Variants in CACNA2D3 observed in about 807,000 individuals in gnomAD.
CACNA2D3 encodes the protein calcium voltage-gated channel auxiliary subunit alpha2delta 3.
Under a neutral mutation model 160.6 loss-of-function variants are expected in CACNA2D3, and 60 were observed. The observed-to-expected ratio is 0.37, with a 90% confidence interval of 0.30 to 0.46. The LOEUF (loss-of-function observed/expected upper bound fraction) is 0.46. Ranked by LOEUF, CACNA2D3 falls within the 20% of genes least tolerant of loss-of-function variation. CACNA2D3 has a pLI of 1.00. For synonymous variants in CACNA2D3, 558 were observed against 492.9 expected (o/e 1.13, Z -1.75); for missense variants, 1,205 against 1,365.0 (o/e 0.88, Z 1.85).
intron 4 of CACNA2D3, among the ~76,000 whole-genome samples, chr3:54,445,623 T>C (rs1030346010): frequency 2.0e-5 from 3 of 150,782 alleles, no homozygotes; most frequent in African/African-American, 7.3e-5. Flanking sequence ...AGCATTCATA[T>C]CTTTATTGCC....
chr3:54,376,417 C>T (rs573250104), intron 3 of CACNA2D3, among the ~76,000 whole-genome samples: 1 of 152,328 alleles, frequency 6.6e-6, no homozygotes, highest in East Asian at 1.9e-4. Flanking sequence ...CCTTTGGTTT[C>T]CCTTTGGTGT....
In CACNA2D3 at chr3:54,171,136, C is replaced by CTTTTTTTTTTTTTTTTTTTTTTTTTTTT. The variant is rs57761171; in HGVS notation, c.204+47564_204+47565insTTTTTTTTTTTTTTTTTTTTTTTTTTTT. ...TCTGTTTACATTTTAAAGATGATGA[C>CTTTTTTTTTTTTTTTTTTTTTTTTTTTT]TTTTTTTTTTTTTTTTTTTTTTAGG... is the stretch of plus-strand genomic sequence containing the variant. On this transcript the variant is annotated intron_variant, in intron 2 of 37. Coordinates refer to ENST00000474759, the MANE Select transcript of CACNA2D3 (RefSeq NM_018398.3). Among the ~76,000 whole-genome samples, 35 of 62,560 alleles carry CTTTTTTTTTTTTTTTTTTTTTTTTTTTT rather than the reference C, an allele frequency of 5.6e-4. 8 individuals carry two copies. The highest frequency in any genetic ancestry group is 2.0e-3 in the South Asian group (2 of 976). The allele number at this position is 62,560 out of a possible 152,430, so 41.0% of individuals were successfully genotyped here.
At chr3:54,688,906 C>T (rs569201318) in intron 11 of CACNA2D3, among the ~76,000 whole-genome samples, 3 of 138,320 alleles carry the variant, frequency 2.2e-5, no homozygotes, top group African/African-American at 8.1e-5. Flanking sequence ...CGCTTGAACC[C>T]AGGAGGTGGA....
At chr3:54,758,757 G>A (rs965923546) in intron 12 of CACNA2D3, among the ~76,000 whole-genome samples, 1 of 152,088 alleles carries the variant, frequency 6.6e-6, no homozygotes, top group Non-Finnish European at 1.5e-5. Context: ...CTGATATTTT[G>A]GTGCTGGCTC....
intron 35 of CACNA2D3, among the ~76,000 whole-genome samples, chr3:55,061,254 G>A (rs530379511): frequency 3.3e-5 from 5 of 152,330 alleles, no homozygotes; most frequent in African/African-American, 7.2e-5. Flanking sequence ...ATGCTGGTCC[G>A]ATTTAATCTT....
intron 9 of CACNA2D3, among the ~76,000 whole-genome samples, chr3:54,590,020 A>G (rs1349087502): frequency 6.6e-6 from 1 of 152,242 alleles, no homozygotes; most frequent in Non-Finnish European, 1.5e-5. Context: ...CTAAATATGT[A>G]ACTTCCATAT....
At chr3:54,687,439 C>T (rs76404774) in intron 11 of CACNA2D3, among the ~76,000 whole-genome samples, 5,055 of 151,892 alleles carry the variant, frequency 0.033, 109 homozygotes, top group East Asian at 0.042. Flanking sequence ...CATGAGCCAC[C>T]ATGCCCGGGC....
chr3:54,207,582 T>C (rs1293284730), intron 2 of CACNA2D3, among the ~76,000 whole-genome samples: 1 of 152,208 alleles, frequency 6.6e-6, no homozygotes, highest in Non-Finnish European at 1.5e-5. Context: ...TGAATGGATG[T>C]TGGTGTAAGA....
intron 5 of CACNA2D3, among the ~76,000 whole-genome samples, chr3:54,550,957 A>T (rs898283736): frequency 6.6e-6 from 1 of 152,134 alleles, no homozygotes; most frequent in Non-Finnish European, 1.5e-5. Flanking sequence ...CATGTATCCC[A>T]TGGATGACTG....
chr3:54,138,738 G>A, intron 2 of CACNA2D3, among the ~76,000 whole-genome samples: 1 of 152,242 alleles, frequency 6.6e-6, no homozygotes, highest in South Asian at 2.1e-4. Context: ...TCTGCATTTG[G>A]GGAAGTAGAG....
intron 4 of CACNA2D3, among the ~76,000 whole-genome samples, chr3:54,490,954 A>G (rs1028370032): frequency 6.6e-6 from 1 of 152,132 alleles, no homozygotes; most frequent in African/African-American, 2.4e-5. Flanking sequence ...TGGGCATACA[A>G]CTGTGAAGGA....
intron 17 of CACNA2D3, among the ~76,000 whole-genome samples, chr3:54,857,150 AG>A (rs1699189370): frequency 1.3e-5 from 2 of 152,202 alleles, no homozygotes; most frequent in Admixed American, 6.5e-5. Context: ...CTGAAGAAAC[AG>A]TGTGTACAAA....
At chr3:54,234,754 A>G (rs190591926) in intron 2 of CACNA2D3, among the ~76,000 whole-genome samples, 309 of 152,334 alleles carry the variant, frequency 2.0e-3, no homozygotes, top group Non-Finnish European at 3.6e-3. Flanking sequence ...AAACTAACAC[A>G]GGAACAGAAA....
intron 2 of CACNA2D3, among the ~76,000 whole-genome samples, chr3:54,290,969 A>G (rs1703185085): frequency 6.6e-6 from 1 of 152,202 alleles, no homozygotes; most frequent in Non-Finnish European, 1.5e-5. Context: ...ATGACGAGTT[A>G]ATGGGTGCAG....
chr3:54,799,265 A>G (rs1367929462), intron 13 of CACNA2D3, among the ~76,000 whole-genome samples: 3 of 152,238 alleles, frequency 2.0e-5, no homozygotes, highest in African/African-American at 7.2e-5. Context: ...GCTAAAAAAT[A>G]TGGCACCAGC....
chr3:54,689,437 G>A (rs890520456), intron 11 of CACNA2D3, among the ~76,000 whole-genome samples: 5 of 152,100 alleles, frequency 3.3e-5, no homozygotes, highest in African/African-American at 1.2e-4. Flanking sequence ...CTCCAGGACA[G>A]ACCTCTTTCC....
chr3:54,295,477 C>T (rs1488801055), intron 2 of CACNA2D3, among the ~76,000 whole-genome samples: 1 of 152,154 alleles, frequency 6.6e-6, no homozygotes, highest in Non-Finnish European at 1.5e-5. Context: ...TTTAGGGAGA[C>T]ATGAGAGATC....
chr3:55,043,558 A>G (rs1704007354), intron 35 of CACNA2D3, among the ~76,000 whole-genome samples: 1 of 152,150 alleles, frequency 6.6e-6, no homozygotes, highest in African/African-American at 2.4e-5. Flanking sequence ...TATTCTAGAT[A>G]CAAATCCTTT....
intron 27 of CACNA2D3, chr3:54,924,736 G>T (rs144793991): frequency 6.2e-7 from 1 of 1,614,018 alleles, no homozygotes; most frequent in Non-Finnish European, 8.5e-7. Context: ...AGGAGCGCTC[G>T]ATCAAGCTGC....
Sources: allele counts gnomAD v4.1 joint callset (sites outside exome capture counted in the v4.1 genomes callset), GRCh38; gene constraint gnomAD v4.1.1; transcripts MANE v1.5; gene names NCBI Gene and HGNC (gene_info 2026-07-23, HGNC 2026-07-21).